The following TENM3 variants were observed in gnomAD, a reference collection of about 807,000 sequenced individuals.
TENM3 encodes teneurin-3.
A neutral mutation model predicts 255.1 loss-of-function variants in TENM3; 63 were observed. The observed-to-expected ratio is 0.25, with a 90% CI of 0.20 to 0.30. TENM3 has a LOEUF of 0.30. Among genes scored for constraint, TENM3 ranks in the 10% least tolerant of loss-of-function variants. TENM3 has a pLI of 1.00. For missense variants in TENM3, 2,929 were observed against 3,461.1 expected, an observed-to-expected ratio of 0.85 and a Z score of 3.86; for synonymous variants, 1,306 against 1,322.3, an observed-to-expected ratio of 0.99 and a Z score of 0.27.
At chr4:182,322,785 C>A (rs1198505188) in intron 1 of TENM3, among the ~76,000 whole-genome samples, 1 of 152,134 alleles carries the variant, frequency 6.6e-6, no homozygotes, top group Admixed American at 6.5e-5. Context: ...GAGAGGGACT[C>A]ACTTTTTTTG....
chr4:181,692,960 G>A, the TENM3 span, among the ~76,000 whole-genome samples: 1 of 152,286 alleles, frequency 6.6e-6, no homozygotes, highest in East Asian at 1.9e-4. Flanking sequence ...TGCTAGAACA[G>A]GCACTGTGAA....
chr4:182,449,466 GA>G (rs1773270045), intron 3 of TENM3, among the ~76,000 whole-genome samples: 1 of 10,566 alleles, frequency 9.5e-5, no homozygotes, highest in Non-Finnish European at 2.5e-3. Context: ...TAATTAGATG[GA>G]TTTTTTTTTT....
the TENM3 span, among the ~76,000 whole-genome samples, chr4:181,863,763 C>T: frequency 0.44 from 66,529 of 151,772 alleles, 15,381 homozygotes; most frequent in Non-Finnish European, 0.5. Flanking sequence ...GATTGTGGCT[C>T]ACTTACAGAT....
chr4:182,656,976 A>G (rs1753812638), intron 6 of TENM3, among the ~76,000 whole-genome samples: 6 of 152,196 alleles, frequency 3.9e-5, no homozygotes, highest in Admixed American at 3.3e-4. Context: ...AACTGATGGA[A>G]ATGGACAAAG....
intron 3 of TENM3, among the ~76,000 whole-genome samples, chr4:182,451,342 T>C (rs1305003533): frequency 6.6e-6 from 1 of 152,198 alleles, no homozygotes; most frequent in Non-Finnish European, 1.5e-5. Context: ...CTTCTACTGA[T>C]GTCTGAACAC....
the TENM3 span, among the ~76,000 whole-genome samples, chr4:181,839,345 G>GTATATA: frequency 3.2e-4 from 18 of 56,656 alleles, no homozygotes; most frequent in East Asian, 1.7e-3. Context: ...TGTATTGAGG[G>GTATATA]TATATATATA....
At chr4:181,778,769 A>C in the TENM3 span, among the ~76,000 whole-genome samples, 1 of 152,156 alleles carries the variant, frequency 6.6e-6, no homozygotes, top group South Asian at 2.1e-4. Context: ...CATTTCTCTG[A>C]ATAGAAGTAC....
chr4:181,750,336 G>A, the TENM3 span, among the ~76,000 whole-genome samples: 1 of 152,044 alleles, frequency 6.6e-6, no homozygotes, highest in East Asian at 1.9e-4. Flanking sequence ...AAAAGTTAGG[G>A]AAAGCTAAAG....
chr4:182,160,068 T>C (rs1751018659), intron 1 of TENM3, among the ~76,000 whole-genome samples: 1 of 148,842 alleles, frequency 6.7e-6, no homozygotes, highest in South Asian at 2.1e-4. Flanking sequence ...AGCGGTGCGA[T>C]CTCGGCTCAC....
the TENM3 span, among the ~76,000 whole-genome samples, chr4:181,914,296 A>G: frequency 2.0e-5 from 3 of 152,114 alleles, no homozygotes; most frequent in African/African-American, 7.2e-5. Flanking sequence ...GGCCCTTCAA[A>G]ATAAAATACC....
the TENM3 span, among the ~76,000 whole-genome samples, chr4:182,100,698 C>T: frequency 1.1e-4 from 7 of 62,846 alleles, 1 homozygote; most frequent in African/African-American, 4.4e-4. Context: ...TATATACACA[C>T]ATATATATAC....
chr4:182,799,123 T>C lies in TENM3; in HGVS notation c.7345-473T>C, dbSNP rs955517732. Among the ~76,000 whole-genome samples the C allele has an allele frequency of 6.6e-6, 1 of 152,168 alleles. No homozygotes were observed. Among genetic ancestry groups the C allele is most frequent in the Non-Finnish European group, 1.5e-5 (1 of 68,030 alleles). On this transcript the variant is annotated intron_variant, in intron 27 of 27. Transcript: ENST00000511685. The surrounding 1 kb of genome is among the most constrained non-coding windows in gnomAD (Gnocchi z 4.2). ...GGAGAGGGGACAGAGTTGACTTAAA[T>C]ACAAGCATTTCAAAGCATACGAAGC...
At chr4:182,055,437 C>G in the TENM3 span, among the ~76,000 whole-genome samples, 1 of 152,130 alleles carries the variant, frequency 6.6e-6, no homozygotes, top group Non-Finnish European at 1.5e-5. Context: ...CGCTCTGGCT[C>G]GGTTAAGCTC....
At chr4:182,529,705 A>G (rs1224005933) in intron 3 of TENM3, among the ~76,000 whole-genome samples, 1 of 152,160 alleles carries the variant, frequency 6.6e-6, no homozygotes, top group East Asian at 1.9e-4. Context: ...TCCTTGACAT[A>G]TGATTTTAAC....
the TENM3 span, among the ~76,000 whole-genome samples, chr4:181,931,581 C>A: frequency 6.6e-6 from 1 of 152,148 alleles, no homozygotes; most frequent in Admixed American, 6.6e-5. Flanking sequence ...ATGAAAATGG[C>A]CATACTGCCC....
chr4:181,565,071 A>G, the TENM3 span, among the ~76,000 whole-genome samples: 7 of 152,350 alleles, frequency 4.6e-5, no homozygotes, highest in South Asian at 1.0e-3. Context: ...TTTATTTGTG[A>G]ATATGTCACT....
chr4:182,211,229 G>A (rs890040814), intron 1 of TENM3, among the ~76,000 whole-genome samples: 2 of 152,210 alleles, frequency 1.3e-5, no homozygotes, highest in Admixed American at 6.5e-5. Flanking sequence ...CACGAGAGAC[G>A]TGGCTCTTTC....
At chr4:181,788,057 G>A in the TENM3 span, among the ~76,000 whole-genome samples, 1 of 152,056 alleles carries the variant, frequency 6.6e-6, no homozygotes, top group Admixed American at 6.6e-5. Context: ...GGCTTCTTGG[G>A]TTTGTGTTTT....
At chr4:181,471,717 C>A in the TENM3 span, among the ~76,000 whole-genome samples, 3 of 152,150 alleles carry the variant, frequency 2.0e-5, no homozygotes, top group Non-Finnish European at 4.4e-5. Flanking sequence ...AAAATAGTAT[C>A]TTTTCCTCAC....
Sources: gnomAD v4.1 joint callset for allele counts (sites outside exome capture counted in the v4.1 genomes callset) on GRCh38, gnomAD v4.1.1 for gene constraint, Gnocchi (gnomAD v3.1) non-coding constraint, MANE v1.5 for transcripts, NCBI Gene and HGNC (gene_info 2026-07-23, HGNC 2026-07-21) for gene names.